The following FRMPD4 variants were observed in gnomAD, a reference collection of about 807,000 sequenced individuals.
FRMPD4 encodes the protein FERM and PDZ domain containing 4.
FRMPD4 carries 22 observed loss-of-function variants against 94.1 expected under a neutral mutation model. The ratio of observed to expected loss-of-function variants is 0.23; its 90% CI spans 0.17 to 0.33. The LOEUF is 0.33. Among genes scored for constraint, FRMPD4 ranks in the 10% least tolerant of loss-of-function variants. The probability of loss-of-function intolerance (pLI) is 1.00; values close to 1 mark genes in which losing one functional copy is unlikely to be tolerated. For synonymous variants in FRMPD4, 631 were observed against 548.6 expected (o/e 1.15, Z -2.10); for missense variants, 1,111 against 1,339.9 (o/e 0.83, Z 2.67).
intron 3 of FRMPD4, among the ~76,000 whole-genome samples, chrX:12,067,218 T>A (rs193078132): frequency 5.4e-4 from 59 of 109,967 alleles, no homozygotes; most frequent in Admixed American, 1.6e-3. Context: ...ACAGGTTTAG[T>A]GCACAGTGAA....
At chrX:12,533,913 A>AT (rs1165931158) in intron 2 of FRMPD4, among the ~76,000 whole-genome samples, 1 of 112,925 alleles carries the variant, frequency 8.9e-6, no homozygotes, top group Admixed American at 9.3e-5. Context: ...GGCTGCAGAA[A>AT]TTTGCACAAG....
intron 4 of FRMPD4, among the ~76,000 whole-genome samples, chrX:12,657,085 TAA>T (rs149487975): frequency 2.1e-5 from 2 of 93,454 alleles, no homozygotes. Flanking sequence ...AAACTCCTTC[TAA>T]AAAAAAAAAA....
At position 12,553,464 on chromosome X, in the gene FRMPD4, ATATC is replaced by A. The variant is rs1180160198; in HGVS notation, c.158+54671_158+54674del. On this transcript the variant is annotated intron_variant, in intron 2 of 16. Transcript: ENST00000675598. ...TATATATATATATATATATATATAT[ATATC>A]TAATCCACTAATTTATTTGCAACAA... 5.7e-3 allele frequency among the ~76,000 whole-genome samples: 517 copies of A among 90,202 alleles called. 10 individuals are homozygous for A. Among genetic ancestry groups the A allele is most frequent in the African/African-American group, 0.021 (480 of 23,052 alleles). 78.3% of individuals were successfully genotyped at this position (90,202 alleles called of 115,157 possible). A position where few individuals can be genotyped will look rare whatever the true frequency, so the allele number is the denominator to read the frequency against.
At chrX:12,656,879 G>A (rs985540720) in intron 4 of FRMPD4, among the ~76,000 whole-genome samples, 2 of 111,055 alleles carry the variant, frequency 1.8e-5, no homozygotes, top group Admixed American at 9.6e-5. Flanking sequence ...ACCTGAGGCT[G>A]GGAGCGAGAC....
chrX:12,110,606 A>G (rs1035943575), intron 3 of FRMPD4, among the ~76,000 whole-genome samples: 13 of 111,327 alleles, frequency 1.2e-4, no homozygotes, highest in African/African-American at 4.2e-4. Context: ...AGGATATTCA[A>G]TTAGGAAAAG....
chrX:11,860,495 C>T (rs1453345090), intron 1 of FRMPD4, among the ~76,000 whole-genome samples: 2 of 111,836 alleles, frequency 1.8e-5, no homozygotes, highest in African/African-American at 6.5e-5. Context: ...GTTCCCTTTG[C>T]TTAGATATAC....
intron 3 of FRMPD4, among the ~76,000 whole-genome samples, chrX:11,991,907 C>T (rs953320312): frequency 2.7e-5 from 3 of 111,903 alleles, no homozygotes; most frequent in African/African-American, 9.7e-5. Flanking sequence ...ACAGCGACTC[C>T]GAAGAGCTGA....
chrX:12,028,202 C>T (rs1421307502), intron 3 of FRMPD4, among the ~76,000 whole-genome samples: 2 of 111,821 alleles, frequency 1.8e-5, no homozygotes, highest in East Asian at 5.6e-4. Context: ...GACTGAAGTC[C>T]CCACTTTTCT....
chrX:12,657,994 C>A (rs1215323519), intron 4 of FRMPD4, among the ~76,000 whole-genome samples: 1 of 111,622 alleles, frequency 9.0e-6, no homozygotes, highest in Non-Finnish European at 1.9e-5. Context: ...AACCCATGAA[C>A]CCTGAAAGAC....
At chrX:12,368,466 A>G (rs1277631869) in intron 1 of FRMPD4, among the ~76,000 whole-genome samples, 1 of 111,986 alleles carries the variant, frequency 8.9e-6, no homozygotes, top group East Asian at 2.8e-4. Context: ...AAATAAAAAG[A>G]ATGGTTGGCA....
chrX:12,095,665 C>T (rs2055193393), intron 3 of FRMPD4, among the ~76,000 whole-genome samples: 1 of 111,458 alleles, frequency 9.0e-6, no homozygotes, highest in African/African-American at 3.3e-5. Context: ...TTGGTGAGCT[C>T]ACTACTTTAT....
intron 2 of FRMPD4, among the ~76,000 whole-genome samples, chrX:12,590,661 T>C (rs1259570539): frequency 8.9e-6 from 1 of 112,249 alleles, no homozygotes; most frequent in East Asian, 2.8e-4. Context: ...CACAATTATA[T>C]GCCATACACT....
intron 1 of FRMPD4, among the ~76,000 whole-genome samples, chrX:12,346,536 G>A (rs781638869): frequency 3.6e-5 from 4 of 111,206 alleles, no homozygotes; most frequent in Non-Finnish European, 7.5e-5. Context: ...CCAGAGAACC[G>A]CTGCGTAGAT....
In FRMPD4 at chrX:12,332,207, T is replaced by TATAGAG. The variant is rs1381323732; in HGVS notation, c.42-166472_42-166471insTAGAGA. Among the ~76,000 whole-genome samples the TATAGAG allele has an allele frequency of 1.5e-4, 9 of 59,540 alleles. 1 individual carries two copies. Among genetic ancestry groups the TATAGAG allele is most frequent in the African/African-American group, 5.8e-4 (8 of 13,685 alleles). The allele number at this position is 59,540 out of a possible 115,157, so 51.7% of individuals were successfully genotyped here. On this transcript the variant is annotated intron_variant, in intron 1 of 16. Coordinates refer to ENST00000675598, the MANE Select transcript of FRMPD4 (RefSeq NM_001368397.1). ...TTTATATTTTATATATATATATATA[T>TATAGAG]AGAGAGAGAGAGAGAGAGAGAGAGA...
At chrX:12,405,052 C>T (rs1353715110) in intron 1 of FRMPD4, among the ~76,000 whole-genome samples, 1 of 111,613 alleles carries the variant, frequency 9.0e-6, no homozygotes, top group Non-Finnish European at 1.9e-5. Flanking sequence ...AATACTGATG[C>T]TCAGGCCCCA....
At chrX:12,410,696 G>C (rs751266231) in intron 1 of FRMPD4, among the ~76,000 whole-genome samples, 2 of 111,261 alleles carry the variant, frequency 1.8e-5, no homozygotes, top group South Asian at 7.6e-4. Context: ...TCTTCCTAAG[G>C]CTATTTAGCT....
rs149431833 is a variant in FRMPD4 at position 12,396,184 on chromosome X, T to G, written c.42-102496T>G. 9.0e-3 allele frequency: 1,012 copies of G among 112,110 alleles called. 7 individuals are homozygous for G. Among genetic ancestry groups the G allele is most frequent in the Non-Finnish European group, 0.015 (815 of 53,277 alleles). The allele number at this position is 112,110 out of a possible 1,213,427, so 9.2% of individuals were successfully genotyped here. ...GTTAACCATTTTTTACAGATCAGGCTGCTTAGGGGAAGAGCAAGAATGAAA... is the reference window on the plus strand; with the variant it reads ...GTTAACCATTTTTTACAGATCAGGCGGCTTAGGGGAAGAGCAAGAATGAAA... On this transcript the variant is annotated intron_variant, in intron 1 of 16. Transcript: ENST00000675598.
chrX:11,914,399 A>G (rs1345166843), intron 3 of FRMPD4, among the ~76,000 whole-genome samples: 1 of 109,164 alleles, frequency 9.2e-6, no homozygotes, highest in Non-Finnish European at 1.9e-5. Flanking sequence ...AGGCAAGTAA[A>G]CTAAAAAGGA....
chrX:12,327,269 A>C (rs1051155689), intron 1 of FRMPD4, among the ~76,000 whole-genome samples: 1 of 112,923 alleles, frequency 8.9e-6, no homozygotes, highest in African/African-American at 3.2e-5. Context: ...ATTGGGAAAC[A>C]AACTGAAGTT....
Sources: gnomAD v4.1 joint callset for allele counts (sites outside exome capture counted in the v4.1 genomes callset) on GRCh38, gnomAD v4.1.1 for gene constraint, MANE v1.5 for transcripts, NCBI Gene and HGNC (gene_info 2026-07-23, HGNC 2026-07-21) for gene names.